The following NEK10 variants were observed in gnomAD, a reference collection of about 807,000 sequenced individuals.
The protein encoded by NEK10 is NIMA related kinase 10.
NEK10 carries 122 observed loss-of-function variants against 159.8 expected under a neutral mutation model. The observed-to-expected ratio is 0.76, with a 90% CI of 0.66 to 0.89. The LOEUF (loss-of-function observed/expected upper bound fraction) is 0.89, where lower values mean the gene tolerates loss of function less well. Ranked by LOEUF, NEK10 falls within the 40% of genes least tolerant of loss-of-function variation. NEK10 has a pLI of 0.00. For missense variants in NEK10, 1,342 were observed against 1,323.1 expected (o/e 1.01, Z -0.22); for synonymous variants, 466 against 457.1 (o/e 1.02, Z -0.25).
chr3:27,345,970 CGCTAT>C (rs763830805), intron 4 of NEK10, 111 bp downstream of exon 4: 7 of 392,710 alleles, frequency 1.8e-5, no homozygotes, highest in Non-Finnish European at 2.8e-5. Flanking sequence ...AATTAAGAAT[CGCTAT>C]GGTAAATTTT....
chr3:27,365,826 C>T (rs750475901), intron 1 of NEK10, among the ~76,000 whole-genome samples: 3 of 151,588 alleles, frequency 2.0e-5, no homozygotes, highest in Admixed American at 1.3e-4. Context: ...TTGGCCAGGC[C>T]GGTCTCAAAC....
At chr3:27,279,832 G>A (rs1187777057) in intron 22 of NEK10, among the ~76,000 whole-genome samples, 3 of 152,054 alleles carry the variant, frequency 2.0e-5, no homozygotes, top group Non-Finnish European at 4.4e-5. Context: ...TTCTTTATTT[G>A]ACACTAGGAA....
At chr3:27,239,830 G>T (rs1174391226) in intron 23 of NEK10, among the ~76,000 whole-genome samples, 1 of 152,056 alleles carries the variant, frequency 6.6e-6, no homozygotes, top group African/African-American at 2.4e-5. Flanking sequence ...AGAATTTCAA[G>T]TCATAAGAGA....
intron 23 of NEK10, among the ~76,000 whole-genome samples, chr3:27,232,213 A>C (rs73157427): frequency 0.086 from 13,030 of 151,996 alleles, 1,837 homozygotes; most frequent in African/African-American, 0.3. Flanking sequence ...GATTCAATAA[A>C]GTCTCAGAAT....
At chr3:27,201,482 A>G in intron 25 of NEK10, 28 bp downstream of exon 25, 1 of 1,591,588 alleles carries the variant, frequency 6.3e-7, no homozygotes, top group Non-Finnish European at 8.6e-7. Flanking sequence ...GATTGTCCCT[A>G]CATGTCTGAA....
chr3:27,188,235 T>C (rs1437543351), intron 26 of NEK10, among the ~76,000 whole-genome samples: 1 of 152,208 alleles, frequency 6.6e-6, no homozygotes, highest in African/African-American at 2.4e-5. Context: ...ATTAATTCAT[T>C]TCCCTCATCT....
At chr3:27,357,486 G>A (rs1559556823) in intron 1 of NEK10, among the ~76,000 whole-genome samples, 3 of 152,158 alleles carry the variant, frequency 2.0e-5, no homozygotes, top group Non-Finnish European at 2.9e-5. Flanking sequence ...AATACTCATC[G>A]CTGTGCTTCT....
intron 23 of NEK10, among the ~76,000 whole-genome samples, chr3:27,225,303 C>T (rs1325479347): frequency 1.3e-5 from 2 of 152,220 alleles, no homozygotes; most frequent in Non-Finnish European, 2.9e-5. Flanking sequence ...TCCCAGCCCA[C>T]TGACTCAAAT....
At chr3:27,305,152 G>A (rs2044137810) in intron 11 of NEK10, among the ~76,000 whole-genome samples, 181 bp from the exon 12 acceptor site, 1 of 152,144 alleles carries the variant, frequency 6.6e-6, no homozygotes, top group African/African-American at 2.4e-5. Flanking sequence ...TTTACTAACT[G>A]TACAATCTGT....
intron 20 of NEK10, among the ~76,000 whole-genome samples, chr3:27,285,757 G>A (rs144429040): frequency 6.6e-6 from 1 of 152,088 alleles, no homozygotes; most frequent in Non-Finnish European, 1.5e-5. Context: ...TGTAGAAAAT[G>A]TTGACAAAAA....
In NEK10 at chr3:27,301,700, T is replaced by C; in HGVS notation, c.1164A>G (p.Gln388=). Residue 388 remains glutamine (Q), a synonymous_variant, in exon 13 of 36, where the codon CAA becomes CAG. Coordinates refer to ENST00000691995, the MANE Select transcript of NEK10 (RefSeq NM_001394966.1). ...REIQENTFSL[Q]AACCAALTEL... is the part of the protein sequence containing the mutation. The stretch of plus-strand genomic sequence containing the variant: ...CAAATAATAAAACATAAATACCTGC[T>C]TGAAGTGAGAAAGTATTTTCTTGTA... The C allele has an allele frequency of 6.4e-7, 1 of 1,557,066 alleles. No individual in the cohort carries two copies. The highest frequency in any genetic ancestry group is 8.8e-7 in the Non-Finnish European group (1 of 1,140,464).
At chr3:27,263,593 C>T (rs867466147) in intron 22 of NEK10, among the ~76,000 whole-genome samples, 198 of 152,266 alleles carry the variant, frequency 1.3e-3, no homozygotes, top group African/African-American at 3.9e-3. Context: ...AGCGAGGCTC[C>T]GTGGGTATAG....
intron 22 of NEK10, among the ~76,000 whole-genome samples, chr3:27,278,064 G>A (rs536100357): frequency 6.6e-6 from 1 of 152,152 alleles, no homozygotes; most frequent in Non-Finnish European, 1.5e-5. Flanking sequence ...TCTTTGTCAT[G>A]TATTCTTCCT....
At chr3:27,151,681 T>C (rs1265805524) in intron 30 of NEK10, among the ~76,000 whole-genome samples, 1 of 152,024 alleles carries the variant, frequency 6.6e-6, no homozygotes, top group Non-Finnish European at 1.5e-5. Context: ...TGAAAAAGAA[T>C]TCAGGAGGTT....
chr3:27,228,021 G>A (rs959808759), intron 23 of NEK10, among the ~76,000 whole-genome samples: 1 of 152,160 alleles, frequency 6.6e-6, no homozygotes, highest in African/African-American at 2.4e-5. Flanking sequence ...TGGTCAGGAA[G>A]AAACTTGCAA....
chr3:27,322,345 T>C, intron 5 of NEK10, 84 bp from the exon 6 acceptor site: 2 of 805,956 alleles, frequency 2.5e-6, no homozygotes, highest in Admixed American at 2.1e-5. Context: ...TGAAGGAGTA[T>C]AAAGAACGCA....
intron 5 of NEK10, among the ~76,000 whole-genome samples, chr3:27,337,477 A>AAAAG (rs59030951): frequency 9.2e-5 from 14 of 151,622 alleles, no homozygotes; most frequent in African/African-American, 3.2e-4. Flanking sequence ...TATGAAACAA[A>AAAAG]AACCAGAAGA....
At chr3:27,238,594 T>C (rs987132677) in intron 23 of NEK10, among the ~76,000 whole-genome samples, 2 of 152,206 alleles carry the variant, frequency 1.3e-5, no homozygotes, top group African/African-American at 4.8e-5. Context: ...GACTTGACAA[T>C]ATTTTCAGAT....
chr3:27,307,747 G>A, intron 11 of NEK10, 112 bp downstream of exon 11: 1 of 664,376 alleles, frequency 1.5e-6, no homozygotes. Flanking sequence ...ATGCCAAGCT[G>A]ACTCATCATA....
Sources: allele counts gnomAD v4.1 joint callset (sites outside exome capture counted in the v4.1 genomes callset), GRCh38; gene constraint gnomAD v4.1.1; transcripts MANE v1.5; gene names NCBI Gene and HGNC (gene_info 2026-07-23, HGNC 2026-07-21).